Variants in FMN1 observed in about 807,000 individuals in gnomAD.
FMN1 encodes formin-1.
In FMN1, 110 loss-of-function variants were observed where a neutral mutation model predicts 132.4. That is an observed-to-expected ratio of 0.83 (90% CI 0.71 to 0.97). The LOEUF is 0.97. Among genes scored for constraint, FMN1 ranks in the 50% least tolerant of loss-of-function variants. The probability of loss-of-function intolerance (pLI) is 0.00; values close to 1 mark genes in which losing one functional copy is unlikely to be tolerated. For synonymous variants in FMN1, 722 were observed against 651.7 expected, an observed-to-expected ratio of 1.11 and a Z score of -1.64; for missense variants, 1,792 against 1,705.3, an observed-to-expected ratio of 1.05 and a Z score of -0.90.
chr15:32,862,241 C>T (rs1333285513), intron 16 of FMN1, among the ~76,000 whole-genome samples: 1 of 152,046 alleles, frequency 6.6e-6, no homozygotes, highest in African/African-American at 2.4e-5. Context: ...GGAAGACTCG[C>T]ATACGATATT....
chr15:32,869,265 G>T (rs1193175689), intron 16 of FMN1, among the ~76,000 whole-genome samples: 1 of 150,798 alleles, frequency 6.6e-6, no homozygotes, highest in Middle Eastern at 3.2e-3. Flanking sequence ...AAAAGCTTCT[G>T]GGCCCCAAAG....
intron 6 of FMN1, among the ~76,000 whole-genome samples, chr15:33,017,563 A>C (rs1000686196): frequency 2.0e-5 from 3 of 152,202 alleles, no homozygotes; most frequent in Admixed American, 6.5e-5. Flanking sequence ...CCTAATTTCT[A>C]TATCAGAAAA....
At chr15:33,164,451 G>C (rs1393828953) in intron 3 of FMN1, among the ~76,000 whole-genome samples, 2 of 152,060 alleles carry the variant, frequency 1.3e-5, no homozygotes, top group African/African-American at 2.4e-5. Context: ...GGTTATTAAA[G>C]GGAAAAAAAG....
chr15:33,113,791 C>T lies in FMN1; in HGVS notation c.1868-24817G>A, dbSNP rs2039805173. ...ACGTCAGTTCTTTCATCTGTGACTC[C>T]TTCCAGACGGTCTTACAGCTGAGGC... On this transcript the variant is annotated intron_variant, in intron 4 of 20. Transcript: ENST00000616417. Among the ~76,000 whole-genome samples the T allele has an allele frequency of 2.0e-5, 3 of 152,178 alleles. No individual in the cohort carries two copies. In the South Asian group the frequency reaches 6.2e-4, roughly 31 times the overall value.
chr15:33,184,976 T>C (rs1281281850), intron 2 of FMN1, among the ~76,000 whole-genome samples: 2 of 152,210 alleles, frequency 1.3e-5, no homozygotes, highest in East Asian at 3.8e-4. Context: ...GCTTATATTG[T>C]TAAAGGTTTT....
chr15:32,896,233 T>G lies in FMN1; in HGVS notation c.3714+2601A>C, dbSNP rs576398054. 3.3e-5 allele frequency among the ~76,000 whole-genome samples: 5 copies of G among 152,144 alleles called. No individual in the cohort carries two copies. The South Asian group carries it at 1.0e-3, about 32-fold the overall frequency. ...TTAGTCTATCATTCTACACTTTTAA[T>G]TATTATAGCTCTATAATATATTAGA... On this transcript the variant is annotated intron_variant, in intron 15 of 20. Transcript: ENST00000616417.
At chr15:33,127,816 T>C (rs1268020826) in intron 4 of FMN1, among the ~76,000 whole-genome samples, 1 of 152,330 alleles carries the variant, frequency 6.6e-6, no homozygotes, top group Middle Eastern at 3.4e-3. Context: ...AAGATCTCAT[T>C]CCTCAGTCTC....
rs754904908 is a variant in FMN1 at position 32,785,591 on chromosome 15, T to C, written c.4131-8672A>G. On this transcript the variant is annotated intron_variant, in intron 19 of 20. Transcript: ENST00000616417. ...AATATGATTGGTTCATTTCAGTCAG[T>C]ACAGAAAATACAATCTGGTAATACT... is the stretch of plus-strand genomic sequence containing the variant. Among the ~76,000 whole-genome samples the C allele has an allele frequency of 8.9e-4, 136 of 152,252 alleles. 2 individuals carry two copies. The highest frequency in any genetic ancestry group is 3.4e-3 in the Middle Eastern group (1 of 294).
At chr15:32,841,849 A>G (rs981162288) in intron 17 of FMN1, among the ~76,000 whole-genome samples, 7 of 152,212 alleles carry the variant, frequency 4.6e-5, no homozygotes, top group Non-Finnish European at 1.5e-5. Context: ...TATACAATCC[A>G]TTTTCCTAGG....
chr15:32,795,206 A>C (rs200507995), intron 19 of FMN1, among the ~76,000 whole-genome samples: 8 of 152,166 alleles, frequency 5.3e-5, no homozygotes, highest in Non-Finnish European at 7.3e-5. Context: ...AACAAAGGCC[A>C]ACATTAGTAT....
At chr15:32,781,792 A>G (rs926589790) in intron 19 of FMN1, among the ~76,000 whole-genome samples, 2 of 152,232 alleles carry the variant, frequency 1.3e-5, no homozygotes, top group Non-Finnish European at 2.9e-5. Context: ...TAAAGTGTGA[A>G]TAATACCACA....
chr15:33,014,679 GCTTT>G (rs770298419), intron 6 of FMN1, among the ~76,000 whole-genome samples: 8 of 152,166 alleles, frequency 5.3e-5, no homozygotes, highest in Admixed American at 2.6e-4. Flanking sequence ...TACAAATAAA[GCTTT>G]CTTAGTCTAG....
chr15:32,775,811 G>A (rs1436163432), intron 20 of FMN1, among the ~76,000 whole-genome samples: 1 of 152,112 alleles, frequency 6.6e-6, no homozygotes, highest in African/African-American at 2.4e-5. Context: ...TATTTTCAAA[G>A]GATTTGAAGC....
chr15:33,049,962 A>G (rs1020347676), intron 6 of FMN1, among the ~76,000 whole-genome samples: 2 of 152,248 alleles, frequency 1.3e-5, no homozygotes, highest in Non-Finnish European at 2.9e-5. Flanking sequence ...AATTTAATTC[A>G]GCTGAAGTTT....
chr15:33,067,184 T>A, intron 5 of FMN1: 1 of 1,613,844 alleles, frequency 6.2e-7, no homozygotes, highest in African/African-American at 1.3e-5. Context: ...TTCTCCCACC[T>A]GGTCCTGGCT....
At chr15:32,878,223 G>A (rs1274226806) in intron 16 of FMN1, among the ~76,000 whole-genome samples, 1 of 152,196 alleles carries the variant, frequency 6.6e-6, no homozygotes, top group African/African-American at 2.4e-5. Flanking sequence ...ACACAAAGAA[G>A]GCCCGTGTGG....
intron 6 of FMN1, among the ~76,000 whole-genome samples, chr15:33,023,908 G>A: frequency 6.6e-6 from 1 of 152,078 alleles, no homozygotes; most frequent in East Asian, 1.9e-4. Flanking sequence ...ATCACTTTTA[G>A]TGATTCAGCT....
rs1483926810 is a variant in FMN1, at chr15:33,154,504, A to T, written c.411T>A (p.Gly137=). The part of the protein sequence containing the change: ...APEDDCFQSA[G]DWQGELPVGP... The stretch of plus-strand genomic sequence containing the variant: ...CCACGGGGAGCTCTCCCTGCCAGTC[A>T]CCAGCACTCTGGAAACAGTCATCCT... The change falls in exon 4 of 21, where the codon GGT becomes GGA. Residue 137 remains glycine (G), a synonymous_variant. Coordinates refer to ENST00000616417, the MANE Select transcript of FMN1 (RefSeq NM_001277313.2). 1.3e-6 allele frequency: 2 copies of T among 1,533,420 alleles called. No homozygotes were observed. The highest frequency in any genetic ancestry group is 3.9e-5 in the Admixed American group (2 of 50,942). 95.0% of individuals were successfully genotyped at this position (1,533,420 alleles called of 1,614,324 possible). A position where few individuals can be genotyped will look rare whatever the true frequency, so the allele number is the denominator to read the frequency against.
chr15:32,788,057 A>AG (rs34115382), intron 19 of FMN1, among the ~76,000 whole-genome samples: 149,263 of 152,342 alleles, frequency 0.98, 73,191 homozygotes, highest in Middle Eastern at 1. Context: ...TATCACTTGT[A>AG]TACCCAAACA....
Sources: allele counts gnomAD v4.1 joint callset (sites outside exome capture counted in the v4.1 genomes callset), GRCh38; gene constraint gnomAD v4.1.1; transcripts MANE v1.5; gene names NCBI Gene and HGNC (gene_info 2026-07-23, HGNC 2026-07-21).